PJVK: variants seen among roughly 807,000 people sequenced by gnomAD.
PJVK encodes the protein pejvakin.
In PJVK, 33 loss-of-function variants were observed where a neutral mutation model predicts 37.6. The observed-to-expected ratio is 0.88, with a 90% CI of 0.67 to 1.17. The LOEUF (loss-of-function observed/expected upper bound fraction) is 1.17. Among genes scored for constraint, PJVK ranks in the 50% most tolerant of loss-of-function variants. The pLI is 0.00. For missense variants in PJVK, 410 were observed against 413.8 expected (o/e 0.99, Z 0.08); for synonymous variants, 141 against 143.5 (o/e 0.98, Z 0.13).
Position 178,460,364 on chromosome 2 carries a change from A to G in PJVK, c.684A>G (p.Ser228=). The part of the protein sequence containing the change: ...LDGAFDLCVT[S]VSKGGFEREE... ...TTTTTGTAGACCTTTGTGTCACTTC[A>G]GTGTCAAAAGGAGGATTTGAAAGGG... The change falls in exon 6 of 7, where the codon TCA becomes TCG. Residue 228 remains serine, a synonymous_variant. Transcript: ENST00000644580. The G allele has an allele frequency of 6.2e-7, 1 of 1,614,016 alleles. No homozygotes were observed. Among genetic ancestry groups the G allele is most frequent in the Non-Finnish European group, 8.5e-7 (1 of 1,179,898 alleles).
chr2:178,458,758 T>C (rs761505391), intron 5 of PJVK, 131 bp downstream of exon 5: 21 of 869,426 alleles, frequency 2.4e-5, no homozygotes, highest in African/African-American at 5.0e-5. Context: ...CTCAGCACTG[T>C]CAATCTTATG....
intron 4 of PJVK, 49 bp downstream of exon 4, chr2:178,456,200 G>A: frequency 6.3e-7 from 1 of 1,595,950 alleles, no homozygotes; most frequent in Non-Finnish European, 8.5e-7. Flanking sequence ...GTTGCCATGG[G>A]AATTTTTTTA....
At chr2:178,455,611 C>T (rs1684008816) in intron 3 of PJVK, among the ~76,000 whole-genome samples, 1 of 150,840 alleles carries the variant, frequency 6.6e-6, no homozygotes, top group African/African-American at 2.4e-5. Flanking sequence ...CCCAGTTGGC[C>T]TACTGTTACA....
At chr2:178,457,539 G>A (rs1269676046) in intron 4 of PJVK, among the ~76,000 whole-genome samples, 2 of 152,112 alleles carry the variant, frequency 1.3e-5, no homozygotes, top group Non-Finnish European at 2.9e-5. Flanking sequence ...TGCCTGCGGG[G>A]TTTGGGTCAT....
In PJVK at chr2:178,461,015, A is replaced by G. The variant is rs369631204; in HGVS notation, c.800A>G (p.Gln267Arg). The G allele has an allele frequency of 6.8e-6, 11 of 1,613,872 alleles. No homozygotes were observed. In the African/African-American group the frequency reaches 1.1e-4, roughly 16 times the overall value. ...RRVMDVISRSQLYLDDLFSDY... is the reference protein window; with the variant it reads ...RRVMDVISRSRLYLDDLFSDY... ...GTGATGGATGTCATTTCTCGTTCAC[A>G]GCTTTACTTGGATGATCTTTTTTCT... Residue 267 changes from glutamine (Q) to arginine (R), a missense_variant, in exon 7 of 7, where the codon CAG becomes CGG. Physicochemically the swap from Gln to Arg is conservative, Grantham distance 43. Transcript: ENST00000644580.
chr2:178,456,290 A>G, intron 4 of PJVK, 139 bp downstream of exon 4: 1 of 1,068,568 alleles, frequency 9.4e-7, no homozygotes. Context: ...GATTTTGCAC[A>G]GCAATGTCTG....
At chr2:178,460,872 A>AAT in intron 6 of PJVK, 110 bp from the exon 7 acceptor site, 2 of 897,742 alleles carry the variant, frequency 2.2e-6, no homozygotes, top group Non-Finnish European at 1.6e-6. Flanking sequence ...AAAAAAAAAA[A>AAT]GCCAAATTAT....
chr2:178,453,829 A>G, intron 2 of PJVK: 1 of 503,056 alleles, frequency 2.0e-6, no homozygotes, highest in Non-Finnish European at 3.7e-6. Context: ...TAATTTTCAA[A>G]TCTATCAATT....
chr2:178,453,498 A>G lies in PJVK; in HGVS notation c.89A>G (p.Lys30Arg), dbSNP rs753143124. Residue 30 changes from lysine (K) to arginine (R), a missense_variant, in exon 2 of 7, where the codon AAA (lysine) becomes AGA (arginine). Coordinates refer to ENST00000644580, the MANE Select transcript of PJVK (RefSeq NM_001042702.5). ...GTTCCAAGCCTCAGTGAAGCTGACA[A>G]ATATCAACCTCTAAGTCTGGTGGTA... Reference protein sequence around the residue: ...VPVPSLSEADKYQPLSLVVKK... With the variant: ...VPVPSLSEADRYQPLSLVVKK... The G allele has an allele frequency of 1.2e-5, 19 of 1,614,170 alleles. No homozygotes were observed. Among genetic ancestry groups the G allele is most frequent in the Non-Finnish European group, 1.5e-5 (18 of 1,180,006 alleles).
In PJVK at chr2:178,454,504, A is replaced by G. The variant is rs773765147; in HGVS notation, c.384A>G (p.Thr128=). The change falls in exon 3 of 7, where the codon ACA becomes ACG. Residue 128 remains threonine, a synonymous_variant. Coordinates refer to ENST00000644580, the MANE Select transcript of PJVK (RefSeq NM_001042702.5). ...IVTKHEVEVS[T]LLKEITTRKI... is the part of the protein sequence containing the mutation. ...CCAAACATGAAGTGGAAGTATCAAC[A>G]TTACTCAAAGAAATTACTACACGGT... The G allele has an allele frequency of 3.1e-6, 5 of 1,613,844 alleles. No individual in the cohort carries two copies.
chr2:178,453,672 C>T (rs1330526992), intron 2 of PJVK, 52 bp downstream of exon 2: 3 of 1,463,944 alleles, frequency 2.0e-6, no homozygotes, highest in Non-Finnish European at 2.8e-6. Flanking sequence ...TTATTGGCAA[C>T]CTAAACATAG....
At chr2:178,456,873 A>C (rs182310760) in intron 4 of PJVK, among the ~76,000 whole-genome samples, 1 of 152,342 alleles carries the variant, frequency 6.6e-6, no homozygotes, top group East Asian at 1.9e-4. Flanking sequence ...CCCTCATATT[A>C]CTATTTAAGT....
At chr2:178,452,949 G>C in intron 1 of PJVK, 1 of 167,540 alleles carries the variant, frequency 6.0e-6, no homozygotes, top group Non-Finnish European at 1.3e-5. Flanking sequence ...TCCGGTGGTG[G>C]ACTTGTGAAG....
chr2:178,459,129 C>T lies in PJVK; in HGVS notation c.667+502C>T, dbSNP rs1684322514. On this transcript the variant is annotated intron_variant, in intron 5 of 6. Coordinates refer to ENST00000644580, the MANE Select transcript of PJVK (RefSeq NM_001042702.5). ...TAACTTTAAAAAGTGAAAATACTTC[C>T]TCCAAAATTGTCACCTTGTATAATA... The T allele has an allele frequency of 1.5e-5, 7 of 470,690 alleles. No homozygotes were observed. The Admixed American group carries it at 1.7e-4, about 11-fold the overall frequency. 29.2% of individuals were successfully genotyped at this position (470,690 alleles called of 1,614,324 possible).
In PJVK at chr2:178,454,387, T is replaced by C. The variant is rs955925664; in HGVS notation, c.267T>C (p.Tyr89=). The C allele has an allele frequency of 1.2e-6, 2 of 1,613,878 alleles. No homozygotes were observed. The highest frequency in any genetic ancestry group is 1.3e-5 in the African/African-American group (1 of 74,942). ...AAGATGAATCAGATGTTTCACTCTATGGAAGGCGAGGTAACCATATTGTAA... is the reference window on the plus strand; with the variant it reads ...AAGATGAATCAGATGTTTCACTCTACGGAAGGCGAGGTAACCATATTGTAA... ...NYEDESDVSL[Y]GRRGNHIVND... is the part of the protein sequence containing the mutation. Residue 89 remains tyrosine (Y), a synonymous_variant, in exon 3 of 7, where the codon TAT becomes TAC. Transcript: ENST00000644580.
chr2:178,455,260 G>A (rs1575115607), intron 3 of PJVK: 3 of 1,490,838 alleles, frequency 2.0e-6, no homozygotes, highest in East Asian at 4.5e-5. Context: ...ATTCCAAGCT[G>A]TCAGACCTGG....
rs1241687166 is a variant in PJVK, at chr2:178,461,290, C to T, written c.*16C>T. 5 of 1,613,312 alleles carry T rather than the reference C, an allele frequency of 3.1e-6. No homozygotes were observed. Among genetic ancestry groups the T allele is most frequent in the Non-Finnish European group, 2.5e-6 (3 of 1,179,908 alleles). Reference sequence around the variant, plus strand: ...GATGAAATAAAATGAAAAATGAATACACCGTGTTGGTGTTTTAGGTGCAGT... The same window carrying T: ...GATGAAATAAAATGAAAAATGAATATACCGTGTTGGTGTTTTAGGTGCAGT... On this transcript the variant is annotated 3_prime_UTR_variant, in exon 7 of 7. Coordinates refer to ENST00000644580, the MANE Select transcript of PJVK (RefSeq NM_001042702.5).
chr2:178,457,079 C>T (rs555149899), intron 4 of PJVK, among the ~76,000 whole-genome samples: 3 of 152,204 alleles, frequency 2.0e-5, no homozygotes, highest in Non-Finnish European at 4.4e-5. Context: ...TGCCATTCTT[C>T]TGCCTCAGCC....
chr2:178,458,735 T>TG lies in PJVK; in HGVS notation c.667+108_667+109insG, dbSNP rs1684288209. On this transcript the variant is annotated intron_variant, in intron 5 of 6. Transcript: ENST00000644580. ...TCTCTCATTTCTCGTGTCTAACAAT[T>TG]ATAGAAGATGCTCTCAGCACTGTCA... 7 of 962,764 alleles carry TG rather than the reference T, an allele frequency of 7.3e-6. No homozygotes were observed. In the African/African-American group the frequency reaches 8.0e-5, roughly 11 times the overall value. The allele number at this position is 962,764 out of a possible 1,614,324, so 59.6% of individuals were successfully genotyped here.
Sources: gnomAD v4.1 joint callset for allele counts (sites outside exome capture counted in the v4.1 genomes callset) on GRCh38, gnomAD v4.1.1 for gene constraint, MANE v1.5 for transcripts, NCBI Gene and HGNC (gene_info 2026-07-23, HGNC 2026-07-21) for gene names.